The following ECE2 variants were observed in gnomAD, a reference collection of about 807,000 sequenced individuals.
ECE2 encodes endothelin converting enzyme 2, also known as endothelin-converting enzyme 2.
In ECE2, 81 loss-of-function variants were observed where a neutral mutation model predicts 100.6. The ratio of observed to expected loss-of-function variants is 0.81; its 90% confidence interval spans 0.67 to 0.97. ECE2 has a LOEUF of 0.97. Among genes scored for constraint, ECE2 ranks in the 50% least tolerant of loss-of-function variants. The pLI is 0.00. For synonymous variants in ECE2, 391 were observed against 391.5 expected (o/e 1.00, Z 0.02); for missense variants, 911 against 988.1 (o/e 0.92, Z 1.05).
At chr3:184,286,287 C>T (rs530278735) in intron 10 of ECE2, among the ~76,000 whole-genome samples, 4 of 152,010 alleles carry the variant, frequency 2.6e-5, no homozygotes, top group East Asian at 1.9e-4. Context: ...AACTGAGAGA[C>T]GGGGTTTGGT....
Position 184,283,589 on chromosome 3 carries a change from A to AAAG in ECE2, c.817-183_817-181dup, listed in dbSNP as rs1560184174. ...AAAAAAAAAAAAAAAAAAAAAAAAA[A>AAAG]AAGAAGAAGAAGAAGTAAGTAAACA... On this transcript the variant is annotated intron_variant, in intron 7 of 18. Transcript: ENST00000404464. Among the ~76,000 whole-genome samples the AAAG allele has an allele frequency of 1.9e-4, 27 of 143,292 alleles. No individual in the cohort carries two copies. In the South Asian group the frequency reaches 3.0e-3, roughly 16 times the overall value. 94.0% of individuals were successfully genotyped at this position (143,292 alleles called of 152,430 possible). A position where few individuals can be genotyped will look rare whatever the true frequency, so the allele number is the denominator to read the frequency against.
At chr3:184,290,989 C>CA in intron 16 of ECE2, 51 bp from the exon 17 acceptor site, 4 of 1,559,804 alleles carry the variant, frequency 2.6e-6, no homozygotes, top group Non-Finnish European at 3.5e-6. Context: ...ACTGCTGCCC[C>CA]CAAGAGACGA....
At chr3:184,290,429 G>T in intron 14 of ECE2, 71 bp downstream of exon 14, 2 of 1,571,372 alleles carry the variant, frequency 1.3e-6, no homozygotes, top group Admixed American at 3.4e-5. Context: ...TGGGATGGGG[G>T]AAAAGGGTGG....
In ECE2 at chr3:184,277,278, A is replaced by AGTGGCT. The variant is rs1356382138; in HGVS notation, c.291_292insTGGCTG (p.Glu97_Ala98insTrpLeu). ...CCATCCCACAGCACCTGCCTTACAG[A>AGTGGCT]GGCCTGCATTCGAGTGGCTGGAAAA... On this transcript the variant is annotated inframe_insertion, in exon 4 of 19. Transcript: ENST00000404464. 9.3e-6 allele frequency: 15 copies of AGTGGCT among 1,614,210 alleles called. No homozygotes were observed. The highest frequency in any genetic ancestry group is 1.3e-5 in the Non-Finnish European group (15 of 1,180,030).
In ECE2 at chr3:184,276,534, C is replaced by T. The variant is rs912674865; in HGVS notation, c.93C>T (p.Pro31=). The change falls in exon 2 of 19, where the codon CCC becomes CCT. Residue 31 remains proline (P), a synonymous_variant. Coordinates refer to ENST00000404464, the MANE Select transcript of ECE2 (RefSeq NM_001100121.2). The stretch of plus-strand genomic sequence containing the variant: ...GGGATGAAGACGCACCCGAGACCCC[C>T]GTAGAGGGCGGGGCCTCCCCGGACG... ...TLRDEDAPET[P]VEGGASPDAM... is the part of the protein sequence containing the mutation. The T allele has an allele frequency of 2.5e-6, 4 of 1,611,392 alleles. No homozygotes were observed. In the South Asian group the frequency reaches 3.3e-5, roughly 13 times the overall value.
intron 4 of ECE2, 74 bp from the exon 5 acceptor site, chr3:184,277,851 A>G (rs2108417679): frequency 1.3e-6 from 2 of 1,572,342 alleles, no homozygotes; most frequent in East Asian, 4.5e-5. Context: ...AAGGAGAGAA[A>G]CCGAGCAAGG....
At chr3:184,286,701 G>C (rs1417298158) in intron 10 of ECE2, among the ~76,000 whole-genome samples, 1 of 151,754 alleles carries the variant, frequency 6.6e-6, no homozygotes, top group Admixed American at 6.6e-5. Flanking sequence ...CTACTCGGGA[G>C]GCTGAAGCAG....
intron 8 of ECE2, 105 bp downstream of exon 8, chr3:184,284,078 A>C: frequency 2.9e-6 from 4 of 1,388,586 alleles, no homozygotes; most frequent in Non-Finnish European, 3.9e-6. Context: ...TCCTTTCCTC[A>C]TTCCCTTGCT....
At chr3:184,286,796 TAAAAAA>T (rs11449762) in intron 10 of ECE2, among the ~76,000 whole-genome samples, 4 of 121,942 alleles carry the variant, frequency 3.3e-5, no homozygotes, top group African/African-American at 6.4e-5. Flanking sequence ...AAACTCTGTT[TAAAAAA>T]AAAAAAAAAA....
At position 184,283,908 on chromosome 3, in the gene ECE2, G is replaced by A. The variant is rs1362390669; in HGVS notation, c.940G>A (p.Val314Met). 1 of 1,613,936 alleles carries A rather than the reference G, an allele frequency of 6.2e-7. No individual in the cohort carries two copies. Among genetic ancestry groups the A allele is most frequent in the Non-Finnish European group, 8.5e-7 (1 of 1,180,028 alleles). ...ELEIQLANIT[V>M]PQDQRRDEEK... ...GGAGATACAGCTGGCCAACATCACA[G>A]TGCCCCAGGACCAGCGGCGCGACGA... The change falls in exon 8 of 19, where the codon GTG becomes ATG. Residue 314 changes from valine to methionine, a missense_variant. Val to Met is a conservative substitution (Grantham distance 21, BLOSUM62 1). Coordinates refer to ENST00000404464, the MANE Select transcript of ECE2 (RefSeq NM_001100121.2).
chr3:184,287,383 G>A (rs968318332), intron 10 of ECE2, among the ~76,000 whole-genome samples: 2 of 151,846 alleles, frequency 1.3e-5, no homozygotes, highest in Non-Finnish European at 2.9e-5. Flanking sequence ...TTGCATGGGG[G>A]ACTGACTGGA....
intron 6 of ECE2, 27 bp from the exon 7 acceptor site, chr3:184,278,465 G>C (rs1263529460): frequency 1.1e-5 from 18 of 1,611,972 alleles, no homozygotes; most frequent in Non-Finnish European, 1.4e-5. Context: ...AAAGCGAGGG[G>C]CTCACCTCCT....
At chr3:184,276,827 C>T in intron 2 of ECE2, 65 bp from the exon 3 acceptor site, 1 of 1,598,338 alleles carries the variant, frequency 6.3e-7, no homozygotes, top group East Asian at 2.2e-5. Context: ...TGTGGCTTCA[C>T]CCTCTGGTAA....
chr3:184,283,497 G>C (rs1720889967), intron 7 of ECE2, among the ~76,000 whole-genome samples: 1 of 141,890 alleles, frequency 7.0e-6, no homozygotes. Flanking sequence ...AGGAGGTGGA[G>C]GTTGCAGTGA....
At position 184,289,094 on chromosome 3, in the gene ECE2, G is replaced by A. The variant is rs1721190028; in HGVS notation, c.1375-343G>A. ...CGCTTGAACTCGGGAGGCGGAGGTT[G>A]CAGTGAGCCGAGATTGCGCCACTGC... is the stretch of plus-strand genomic sequence containing the variant. On this transcript the variant is annotated intron_variant, in intron 11 of 18. Transcript: ENST00000404464. The surrounding 1 kb of genome is among the most constrained non-coding windows in gnomAD (Gnocchi z 4.1). 6.6e-6 allele frequency among the ~76,000 whole-genome samples: 1 copy of A among 151,528 alleles called. No homozygotes were observed. The highest frequency in any genetic ancestry group is 2.4e-5 in the African/African-American group (1 of 41,206).
Position 184,283,799 on chromosome 3 carries a change from T to C in ECE2, c.831T>C (p.Tyr277=), listed in dbSNP as rs776280215. 2 of 1,613,670 alleles carry C rather than the reference T, an allele frequency of 1.2e-6. No individual in the cohort carries two copies. The highest frequency in any genetic ancestry group is 1.7e-6 in the Non-Finnish European group (2 of 1,179,950). The change falls in exon 8 of 19, where the codon TAT becomes TAC. Residue 277 remains tyrosine, a synonymous_variant. Coordinates refer to ENST00000404464, the MANE Select transcript of ECE2 (RefSeq NM_001100121.2). Reference sequence around the variant, plus strand: ...GGCCTTGACAGGTGCTCACTGCCTATCTGGATTACATGGAGGAACTGGGGA... The same window carrying C: ...GGCCTTGACAGGTGCTCACTGCCTACCTGGATTACATGGAGGAACTGGGGA... The part of the protein sequence containing the change: ...RTANEKVLTA[Y]LDYMEELGML...
chr3:184,287,693 T>C, intron 10 of ECE2, 144 bp from the exon 11 acceptor site: 1 of 655,222 alleles, frequency 1.5e-6, no homozygotes, highest in African/African-American at 1.8e-5. Context: ...AGACCCTGTC[T>C]CAAAAAAAGA....
At chr3:184,279,777 A>G (rs1247921324) in intron 7 of ECE2, among the ~76,000 whole-genome samples, 1 of 152,034 alleles carries the variant, frequency 6.6e-6, no homozygotes, top group Non-Finnish European at 1.5e-5. Context: ...GTGGGCAGGA[A>G]TGGGTTATGG....
rs1361571915 is a variant in ECE2 at position 184,278,163 on chromosome 3, A to G, written c.604-4A>G. Reference sequence around the variant, plus strand: ...TAATCATTCCACTTATGGTCTCTACATAGATTGGTGGTTGGAACATTACGG... The same window carrying G: ...TAATCATTCCACTTATGGTCTCTACGTAGATTGGTGGTTGGAACATTACGG... On this transcript the variant is annotated splice_polypyrimidine_tract_variant and splice_region_variant and intron_variant, in intron 5 of 18. Coordinates refer to ENST00000404464, the MANE Select transcript of ECE2 (RefSeq NM_001100121.2). 1.2e-6 allele frequency: 2 copies of G among 1,613,980 alleles called. No homozygotes were observed. Among genetic ancestry groups the G allele is most frequent in the Admixed American group, 1.7e-5 (1 of 60,000 alleles).
Sources: allele counts gnomAD v4.1 joint callset (sites outside exome capture counted in the v4.1 genomes callset), GRCh38; gene constraint gnomAD v4.1.1; non-coding constraint Gnocchi (gnomAD v3.1); transcripts MANE v1.5; gene names NCBI Gene and HGNC (gene_info 2026-07-23, HGNC 2026-07-21).